Variants in TNS3 observed in about 807,000 individuals in gnomAD.
The protein encoded by TNS3 is tensin-3.
In TNS3, 45 loss-of-function variants were observed where a neutral mutation model predicts 140.9. That is an observed-to-expected ratio of 0.32 (90% confidence interval 0.25 to 0.41). The LOEUF is 0.41. Ranked by LOEUF, TNS3 falls within the 10% of genes least tolerant of loss-of-function variation. The probability of loss-of-function intolerance (pLI) is 1.00; values close to 1 mark genes in which losing one functional copy is unlikely to be tolerated. For synonymous variants in TNS3, 815 were observed against 788.4 expected (o/e 1.03, Z -0.56); for missense variants, 1,716 against 1,906.7 (o/e 0.90, Z 1.86).
intron 2 of TNS3, among the ~76,000 whole-genome samples, chr7:47,526,925 C>A (rs1799214050): frequency 6.6e-6 from 1 of 152,124 alleles, no homozygotes; most frequent in Admixed American, 6.5e-5. Flanking sequence ...AGTTAGAGAC[C>A]AAAATTTTAA....
At position 47,408,311 on chromosome 7, in the gene TNS3, A is replaced by G. The variant is rs1793559218; in HGVS notation, c.723+3416T>C. On this transcript the variant is annotated intron_variant, in intron 13 of 30. Coordinates refer to ENST00000311160, the MANE Select transcript of TNS3 (RefSeq NM_022748.12). ...CCCACACCTCCACCACACCCCTTCC[A>G]AGTCCCACCCACACCGCCCACTCAA... Among the ~76,000 whole-genome samples, 3 of 152,064 alleles carry G rather than the reference A, an allele frequency of 2.0e-5. 1 individual carries two copies. In the South Asian group the frequency reaches 6.2e-4, roughly 32 times the overall value.
chr7:47,344,414 C>T (rs992631620), intron 20 of TNS3, among the ~76,000 whole-genome samples: 2 of 152,208 alleles, frequency 1.3e-5, no homozygotes, highest in Non-Finnish European at 2.9e-5. Flanking sequence ...GGCACAATCC[C>T]CACAGAGAAC....
chr7:47,437,156 C>A, intron 7 of TNS3, 107 bp downstream of exon 7: 1 of 687,620 alleles, frequency 1.5e-6, no homozygotes, highest in Non-Finnish European at 2.4e-6. Context: ...TCCTAATACT[C>A]CTTATCAAGT....
intron 4 of TNS3, 120 bp from the exon 5 acceptor site, chr7:47,442,175 C>T: frequency 3.6e-6 from 2 of 556,068 alleles, no homozygotes; most frequent in South Asian, 3.8e-5. Flanking sequence ...AACAGCAAGT[C>T]AATCGTAACT....
At chr7:47,472,113 C>G (rs1206345970) in intron 4 of TNS3, among the ~76,000 whole-genome samples, 1 of 152,230 alleles carries the variant, frequency 6.6e-6, no homozygotes. Context: ...GCCTCTGCCT[C>G]TGTCATCACC....
At position 47,529,043 on chromosome 7, in the gene TNS3, T is replaced by C. The variant is rs1160271493; in HGVS notation, c.-160A>G. 2 of 1,284,956 alleles carry C rather than the reference T, an allele frequency of 1.6e-6. No individual in the cohort carries two copies. The highest frequency in any genetic ancestry group is 2.0e-6 in the Non-Finnish European group (2 of 986,824). 79.6% of individuals were successfully genotyped at this position (1,284,956 alleles called of 1,614,324 possible). ...TCATAAACACAGACTTACCTCGGCA[T>C]GAAATACCTTGACCGTCAATAATTT... On this transcript the variant is annotated 5_prime_UTR_variant, in exon 2 of 31. An upstream start codon of the reference 5' UTR is lost. Coordinates refer to ENST00000311160, the MANE Select transcript of TNS3 (RefSeq NM_022748.12).
intron 20 of TNS3, among the ~76,000 whole-genome samples, chr7:47,343,507 G>C (rs1398123771): frequency 6.6e-6 from 1 of 152,194 alleles, no homozygotes; most frequent in Non-Finnish European, 1.5e-5. Context: ...TTCCAGGCCA[G>C]AGGGCTAGAT....
intron 4 of TNS3, among the ~76,000 whole-genome samples, chr7:47,453,790 C>G (rs1009443457): frequency 6.6e-6 from 1 of 152,166 alleles, no homozygotes; most frequent in East Asian, 1.9e-4. Context: ...CATAGAGTCC[C>G]GGACCTGCCC....
At chr7:47,500,071 T>C (rs893395148) in intron 3 of TNS3, among the ~76,000 whole-genome samples, 1 of 152,078 alleles carries the variant, frequency 6.6e-6, no homozygotes, top group African/African-American at 2.4e-5. Flanking sequence ...TTAAAAGCTG[T>C]CAAACATTAA....
chr7:47,388,788 A>G (rs948367480), intron 16 of TNS3, among the ~76,000 whole-genome samples: 1 of 151,500 alleles, frequency 6.6e-6, no homozygotes, highest in African/African-American at 2.4e-5. Flanking sequence ...AACTGCTTGA[A>G]CCCGGGAGGT....
At chr7:47,445,627 T>A in intron 4 of TNS3, among the ~76,000 whole-genome samples, 1 of 152,232 alleles carries the variant, frequency 6.6e-6, no homozygotes, top group East Asian at 1.9e-4. Context: ...CACTTCCAAG[T>A]CAGCGTCTGA....
At chr7:47,338,138 C>A (rs1307451273) in intron 20 of TNS3, among the ~76,000 whole-genome samples, 1 of 152,138 alleles carries the variant, frequency 6.6e-6, no homozygotes, top group Non-Finnish European at 1.5e-5. Flanking sequence ...CAGTTTGGGG[C>A]TATTAAAGTA....
chr7:47,329,751 C>T (rs968467001), intron 20 of TNS3, among the ~76,000 whole-genome samples: 20 of 152,076 alleles, frequency 1.3e-4, no homozygotes, highest in Admixed American at 1.2e-3. Flanking sequence ...CGGCACGGGG[C>T]GGCACCAGCA....
chr7:47,455,433 G>A (rs138639934), intron 4 of TNS3, among the ~76,000 whole-genome samples: 7 of 152,192 alleles, frequency 4.6e-5, no homozygotes, highest in African/African-American at 1.7e-4. Context: ...GCCTTAACCT[G>A]GAGTTTATCC....
chr7:47,427,486 AG>A (rs1185988091), intron 9 of TNS3, among the ~76,000 whole-genome samples: 1 of 152,228 alleles, frequency 6.6e-6, no homozygotes, highest in Non-Finnish European at 1.5e-5. Context: ...GAGGCCATTG[AG>A]AAGACAGGGC....
intron 1 of TNS3, among the ~76,000 whole-genome samples, chr7:47,536,027 T>G (rs1227544419): frequency 6.6e-6 from 1 of 152,200 alleles, no homozygotes. Flanking sequence ...AACTTTACTC[T>G]GATGTTAAAC....
intron 4 of TNS3, among the ~76,000 whole-genome samples, chr7:47,472,477 G>T (rs1018026083): frequency 5.9e-5 from 9 of 152,208 alleles, no homozygotes; most frequent in African/African-American, 2.2e-4. Flanking sequence ...TGCCCATCAA[G>T]AGAAAGGCAC....
chr7:47,303,456 A>G lies in TNS3; in HGVS notation c.2951T>C (p.Val984Ala), dbSNP rs1342964096. Residue 984 changes from valine to alanine, a missense_variant, in exon 22 of 31, where the codon GTG becomes GCG. Val to Ala is a moderately conservative substitution (Grantham distance 64). Coordinates refer to ENST00000311160, the MANE Select transcript of TNS3 (RefSeq NM_022748.12). ...CTCTGACGGCGGGAAGCAGGACAGC[A>G]CTGGGGAGTCCTTCCTGGTACCGGA... ...EFSGTRKDSP[V>A]LSCFPPSELQ... The G allele has an allele frequency of 1.9e-6, 3 of 1,612,614 alleles. No individual in the cohort carries two copies. The highest frequency in any genetic ancestry group is 2.5e-6 in the Non-Finnish European group (3 of 1,179,990).
At chr7:47,571,888 A>G (rs1228274271) in intron 1 of TNS3, among the ~76,000 whole-genome samples, 1 of 152,168 alleles carries the variant, frequency 6.6e-6, no homozygotes, top group Non-Finnish European at 1.5e-5. Flanking sequence ...GTCCCAGGGA[A>G]CTATGCTTTG....
Sources: gnomAD v4.1 joint callset for allele counts (sites outside exome capture counted in the v4.1 genomes callset) on GRCh38, gnomAD v4.1.1 for gene constraint, MANE v1.5 for transcripts, NCBI Gene and HGNC (gene_info 2026-07-23, HGNC 2026-07-21) for gene names.